The following SV2C variants were observed in gnomAD, a reference collection of about 807,000 sequenced individuals.
SV2C encodes the protein synaptic vesicle glycoprotein 2C, also known as solute carrier family 22 member B3.
In SV2C, 49 loss-of-function variants were observed where a neutral mutation model predicts 79.7. The ratio of observed to expected loss-of-function variants is 0.61; its 90% CI spans 0.49 to 0.78. The LOEUF (loss-of-function observed/expected upper bound fraction) is 0.78, where lower values mean the gene tolerates loss of function less well. Ranked by LOEUF, SV2C falls within the 30% of genes least tolerant of loss-of-function variation. The probability of loss-of-function intolerance (pLI) is 0.00; values close to 1 mark genes in which losing one functional copy is unlikely to be tolerated. For missense variants in SV2C, 833 were observed against 912.9 expected, an observed-to-expected ratio of 0.91 and a Z score of 1.13; for synonymous variants, 334 against 333.2, an observed-to-expected ratio of 1.00 and a Z score of -0.03.
chr5:76,051,637 C>A, the SV2C span, among the ~76,000 whole-genome samples: 1 of 152,154 alleles, frequency 6.6e-6, no homozygotes, highest in African/African-American at 2.4e-5. Context: ...CATAAAAATA[C>A]AGCATGGCTG....
intron 4 of SV2C, among the ~76,000 whole-genome samples, chr5:76,210,952 C>T (rs547537619): frequency 6.6e-6 from 1 of 152,310 alleles, no homozygotes; most frequent in Admixed American, 6.5e-5. Flanking sequence ...TTTGTTTCCT[C>T]TGTGCTATCA....
intron 12 of SV2C, among the ~76,000 whole-genome samples, chr5:76,307,981 A>G (rs1748263583): frequency 6.6e-6 from 1 of 152,202 alleles, no homozygotes; most frequent in Non-Finnish European, 1.5e-5. Context: ...CTGCTTTAAA[A>G]TATTCATCAG....
chr5:76,167,247 A>G (rs1469537791), intron 2 of SV2C, among the ~76,000 whole-genome samples: 2 of 152,142 alleles, frequency 1.3e-5, no homozygotes, highest in African/African-American at 4.8e-5. Context: ...TCCTTGTTCT[A>G]TTGACAAATT....
intron 7 of SV2C, 91 bp downstream of exon 7, chr5:76,291,422 G>T (rs375078489): frequency 9.5e-7 from 1 of 1,049,504 alleles, no homozygotes; most frequent in East Asian, 2.6e-5. Flanking sequence ...CCCTATGAGC[G>T]AGGTTCTTTC....
the SV2C span, among the ~76,000 whole-genome samples, chr5:76,025,845 C>T: frequency 3.3e-5 from 5 of 152,214 alleles, no homozygotes; most frequent in Admixed American, 3.3e-4. Flanking sequence ...TCATGCCTGG[C>T]CATTGCAAAC....
At chr5:76,287,033 T>C (rs1167908195) in intron 6 of SV2C, among the ~76,000 whole-genome samples, 1 of 152,190 alleles carries the variant, frequency 6.6e-6, no homozygotes, top group Non-Finnish European at 1.5e-5. Flanking sequence ...ATAAATTTAA[T>C]GAATTATATC....
the SV2C span, among the ~76,000 whole-genome samples, chr5:76,031,833 T>C: frequency 2.2e-4 from 34 of 152,216 alleles, no homozygotes; most frequent in Non-Finnish European, 2.6e-4. Flanking sequence ...TGGCACAGAA[T>C]TGATTTAAGA....
At chr5:76,174,056 T>A in intron 2 of SV2C, 1 of 1,577,024 alleles carries the variant, frequency 6.3e-7, no homozygotes, top group Non-Finnish European at 8.7e-7. Context: ...TACTTCAACT[T>A]GCTCTCTATA....
chr5:76,147,427 A>G (rs1749472464), intron 2 of SV2C, among the ~76,000 whole-genome samples: 1 of 152,110 alleles, frequency 6.6e-6, no homozygotes, highest in African/African-American at 2.4e-5. Flanking sequence ...TTGAAGTTTC[A>G]CAGGAATCAG....
At chr5:76,022,132 G>C in the SV2C span, among the ~76,000 whole-genome samples, 1 of 152,146 alleles carries the variant, frequency 6.6e-6, no homozygotes, top group African/African-American at 2.4e-5. Flanking sequence ...CTTTCTCTCT[G>C]GTGCCTAATG....
intron 12 of SV2C, among the ~76,000 whole-genome samples, chr5:76,306,487 C>T (rs1488932160): frequency 6.6e-6 from 1 of 152,120 alleles, no homozygotes; most frequent in African/African-American, 2.4e-5. Context: ...ATTTATTATC[C>T]AGAGGATTTA....
At chr5:76,319,177 G>A (rs961196639) in intron 12 of SV2C, among the ~76,000 whole-genome samples, 5 of 151,874 alleles carry the variant, frequency 3.3e-5, no homozygotes, top group African/African-American at 9.7e-5. Flanking sequence ...TTGGGAGGCC[G>A]AAGCAGGCAG....
chr5:76,080,439 A>C (rs1360957555), upstream of SV2C, among the ~76,000 whole-genome samples: 1 of 152,192 alleles, frequency 6.6e-6, no homozygotes, highest in Non-Finnish European at 1.5e-5. Flanking sequence ...TTTCCAGAGC[A>C]TCTTACAAAA....
intron 1 of SV2C, among the ~76,000 whole-genome samples, chr5:76,122,878 C>A (rs922672981): frequency 3.3e-5 from 5 of 151,806 alleles, no homozygotes; most frequent in African/African-American, 9.7e-5. Flanking sequence ...AAAATCAGAG[C>A]AGAACTGAAG....
At chr5:76,247,156 T>C (rs1459393640) in intron 4 of SV2C, among the ~76,000 whole-genome samples, 1 of 152,162 alleles carries the variant, frequency 6.6e-6, no homozygotes, top group Non-Finnish European at 1.5e-5. Context: ...CAGGGGCCAG[T>C]GAGGCGGACA....
At chr5:76,231,833 A>G (rs1745432701) in intron 4 of SV2C, among the ~76,000 whole-genome samples, 1 of 146,364 alleles carries the variant, frequency 6.8e-6, no homozygotes, top group African/African-American at 2.8e-5. Flanking sequence ...AATCCAGTCT[A>G]TCACTGTTGG....
intron 4 of SV2C, among the ~76,000 whole-genome samples, chr5:76,217,819 TTGA>T (rs1744948622): frequency 6.6e-6 from 1 of 152,138 alleles, no homozygotes; most frequent in African/African-American, 2.4e-5. Flanking sequence ...CTGTAAAATC[TTGA>T]TGACTTTTTA....
chr5:75,857,411 T>A, the SV2C span, among the ~76,000 whole-genome samples: 10 of 152,278 alleles, frequency 6.6e-5, no homozygotes, highest in Middle Eastern at 3.4e-3. Flanking sequence ...CAAAAATGAG[T>A]TCACTGTAAA....
At chr5:76,288,614 G>A (rs1224827252) in intron 6 of SV2C, among the ~76,000 whole-genome samples, 1 of 152,138 alleles carries the variant, frequency 6.6e-6, no homozygotes, top group Admixed American at 6.5e-5. Context: ...TCTCTATAGG[G>A]CCTCATTGCC....
Sources: allele counts gnomAD v4.1 joint callset (sites outside exome capture counted in the v4.1 genomes callset), GRCh38; gene constraint gnomAD v4.1.1; transcripts MANE v1.5; gene names NCBI Gene and HGNC (gene_info 2026-07-23, HGNC 2026-07-21).